Variants in FAM53B observed in about 807,000 individuals in gnomAD.
FAM53B encodes the protein protein FAM53B.
FAM53B carries 12 observed loss-of-function variants against 32.7 expected under a neutral mutation model. That is an observed-to-expected ratio of 0.37 (90% CI 0.24 to 0.59). FAM53B has a LOEUF of 0.59. FAM53B is among the 20% of genes least tolerant of loss of function. The pLI is 0.72. For missense variants in FAM53B, 477 were observed against 577.7 expected, an observed-to-expected ratio of 0.83 and a Z score of 1.79; for synonymous variants, 234 against 228.7, an observed-to-expected ratio of 1.02 and a Z score of -0.21.
At chr10:124,680,879 C>T (rs1009116639) in intron 4 of FAM53B, among the ~76,000 whole-genome samples, 1 of 152,224 alleles carries the variant, frequency 6.6e-6, no homozygotes, top group Non-Finnish European at 1.5e-5. Flanking sequence ...CCAGCCAGAA[C>T]CAGATGCAGC....
chr10:124,728,835 T>C (rs930026111), intron 1 of FAM53B, among the ~76,000 whole-genome samples: 1 of 152,210 alleles, frequency 6.6e-6, no homozygotes, highest in African/African-American at 2.4e-5. Flanking sequence ...AGGGAACCCA[T>C]GCAGAGGAGC....
At chr10:124,688,258 A>C (rs1235188531) in intron 3 of FAM53B, among the ~76,000 whole-genome samples, 2 of 152,218 alleles carry the variant, frequency 1.3e-5, no homozygotes, top group Non-Finnish European at 2.9e-5. Flanking sequence ...CCTGACACCA[A>C]GCCCCTGGCA....
chr10:124,625,200 C>T (rs548392713), intron 4 of FAM53B, among the ~76,000 whole-genome samples: 2 of 152,336 alleles, frequency 1.3e-5, no homozygotes, highest in African/African-American at 4.8e-5. Context: ...AAGGCGCTCT[C>T]TCTGGAGGAA....
chr10:124,636,304 G>A (rs553211888), intron 4 of FAM53B, among the ~76,000 whole-genome samples: 8 of 151,106 alleles, frequency 5.3e-5, no homozygotes, highest in East Asian at 3.9e-4. Flanking sequence ...TTTTTTTAAC[G>A]GCACTTTGCA....
chr10:124,663,455 C>T lies in FAM53B; in HGVS notation c.906+18152G>A, dbSNP rs1002319076. The stretch of plus-strand genomic sequence containing the variant: ...CCACCTCTGCAGAACAGGCCCAATC[C>T]GTCCCCAGCTGCAAGAGGAGCCAGA... On this transcript the variant is annotated intron_variant, in intron 4 of 4. Coordinates refer to ENST00000337318, the MANE Select transcript of FAM53B (RefSeq NM_014661.4). Among the ~76,000 whole-genome samples the T allele has an allele frequency of 9.2e-5, 14 of 152,238 alleles. 1 individual carries two copies. Among genetic ancestry groups the T allele is most frequent in the East Asian group, 5.8e-4 (3 of 5,200 alleles).
intron 1 of FAM53B, among the ~76,000 whole-genome samples, chr10:124,736,819 G>A (rs944111573): frequency 2.0e-5 from 3 of 152,252 alleles, no homozygotes; most frequent in Non-Finnish European, 4.4e-5. Context: ...CCAGGAGCTC[G>A]AGGGCCCACC....
intron 4 of FAM53B, among the ~76,000 whole-genome samples, chr10:124,638,088 G>C (rs1232145065): frequency 1.3e-5 from 2 of 152,168 alleles, no homozygotes; most frequent in Non-Finnish European, 2.9e-5. Context: ...ACTAGGACCG[G>C]GCCTGGCGCC....
At chr10:124,684,727 C>T (rs1472867866) in intron 3 of FAM53B, among the ~76,000 whole-genome samples, 1 of 152,104 alleles carries the variant, frequency 6.6e-6, no homozygotes, top group African/African-American at 2.4e-5. Context: ...CCATGTTGGC[C>T]AGGCTGGTCT....
chr10:124,633,553 A>C lies in FAM53B; in HGVS notation c.907-9949T>G, dbSNP rs566156723. Among the ~76,000 whole-genome samples, 4 of 152,368 alleles carry C rather than the reference A, an allele frequency of 2.6e-5. No individual in the cohort carries two copies. The South Asian group carries it at 8.3e-4, about 32-fold the overall frequency. ...CCCGTACCATATAATATGCCAAAAC[A>C]CATTACTAAGCCTCCATAACTAAAA... On this transcript the variant is annotated intron_variant, in intron 4 of 4. Coordinates refer to ENST00000337318, the MANE Select transcript of FAM53B (RefSeq NM_014661.4).
chr10:124,670,734 G>T (rs1004765012), intron 4 of FAM53B, among the ~76,000 whole-genome samples: 1 of 152,140 alleles, frequency 6.6e-6, no homozygotes, highest in African/African-American at 2.4e-5. Flanking sequence ...TCCTCAACAA[G>T]GCCTCCCTGT....
Position 124,744,320 on chromosome 10 carries a change from C to T in FAM53B, c.-482G>A. On this transcript the variant is annotated 5_prime_UTR_variant, in exon 1 of 5. Transcript: ENST00000337318. ...GTGTCGCGGGCCCGGGCGCTAGGCG[C>T]GGCGGCGGCGTGCAGGAGGCAGGCG... The T allele has an allele frequency of 6.8e-6, 1 of 148,104 alleles. No homozygotes were observed. The highest frequency in any genetic ancestry group is 1.5e-5 in the Non-Finnish European group (1 of 66,426). The allele number at this position is 148,104 out of a possible 1,614,324, so 9.2% of individuals were successfully genotyped here.
intron 4 of FAM53B, chr10:124,667,490 C>T (rs1022813714): frequency 4.7e-5 from 34 of 727,668 alleles, no homozygotes; most frequent in Admixed American, 2.7e-4. Flanking sequence ...CAACAGTCAG[C>T]AGCCCACAGC....
chr10:124,691,559 T>A (rs1178487757), intron 3 of FAM53B, among the ~76,000 whole-genome samples: 2 of 152,232 alleles, frequency 1.3e-5, no homozygotes, highest in Non-Finnish European at 2.9e-5. Flanking sequence ...GTAGCCTTTT[T>A]AAAATAATTG....
chr10:124,633,246 GA>G (rs10535148), intron 4 of FAM53B, among the ~76,000 whole-genome samples: 57,161 of 135,518 alleles, frequency 0.42, 12,380 homozygotes, highest in Non-Finnish European at 0.52. Flanking sequence ...AAAATTGATA[GA>G]AAAAAAAAAA....
At chr10:124,662,660 T>C (rs938334947) in intron 4 of FAM53B, among the ~76,000 whole-genome samples, 13 of 152,042 alleles carry the variant, frequency 8.6e-5, no homozygotes, top group African/African-American at 2.9e-4. Flanking sequence ...TACAAAAAAT[T>C]AAAAGACTTA....
At chr10:124,672,930 T>C (rs1357835005) in intron 4 of FAM53B, among the ~76,000 whole-genome samples, 1 of 152,116 alleles carries the variant, frequency 6.6e-6, no homozygotes, top group Admixed American at 6.5e-5. Flanking sequence ...AGAAATACAG[T>C]CAAAGTGAGG....
chr10:124,637,063 C>G (rs182006031), intron 4 of FAM53B, among the ~76,000 whole-genome samples: 15 of 152,288 alleles, frequency 9.8e-5, no homozygotes, highest in African/African-American at 3.6e-4. Flanking sequence ...ACAGAAAACT[C>G]CAGGAGCAAG....
rs542876810 is a variant in FAM53B at position 124,646,767 on chromosome 10, C to A, written c.907-23163G>T. ...CCTGCAATACTGGGGTGATTCATCCCATTACTTTAAGGGGAGGCTGGAAGC... is the reference window on the plus strand; with the variant it reads ...CCTGCAATACTGGGGTGATTCATCCAATTACTTTAAGGGGAGGCTGGAAGC... On this transcript the variant is annotated intron_variant, in intron 4 of 4. Coordinates refer to ENST00000337318, the MANE Select transcript of FAM53B (RefSeq NM_014661.4). Among the ~76,000 whole-genome samples, 6 of 152,324 alleles carry A rather than the reference C, an allele frequency of 3.9e-5. No individual in the cohort carries two copies. In the East Asian group the frequency reaches 1.2e-3, roughly 29 times the overall value.
Position 124,658,065 on chromosome 10 carries a change from G to C in FAM53B, c.906+23542C>G, listed in dbSNP as rs80188017. 1.3e-4 allele frequency among the ~76,000 whole-genome samples: 20 copies of C among 152,330 alleles called. No homozygotes were observed. The East Asian group carries it at 3.9e-3, about 29-fold the overall frequency. On this transcript the variant is annotated intron_variant, in intron 4 of 4. Transcript: ENST00000337318. ...TGGGTGGGCACTTTGGCAGCATCTT[G>C]GTTGTGACTGGTGACTTTTCTCCCA...
Sources: gnomAD v4.1 joint callset for allele counts (sites outside exome capture counted in the v4.1 genomes callset) on GRCh38, gnomAD v4.1.1 for gene constraint, MANE v1.5 for transcripts, NCBI Gene and HGNC (gene_info 2026-07-23, HGNC 2026-07-21) for gene names.